The following DCUN1D2 variants were observed in gnomAD, a reference collection of about 807,000 sequenced individuals.
DCUN1D2 encodes the protein DCN1-like protein 2.
A neutral mutation model predicts 30.9 loss-of-function variants in DCUN1D2; 29 were observed. That is an observed-to-expected ratio of 0.94 (90% CI 0.70 to 1.28). DCUN1D2 has a LOEUF of 1.28. Ranked by LOEUF, DCUN1D2 falls within the 50% of genes most tolerant of loss-of-function variation. The pLI is 0.00. For missense variants in DCUN1D2, 325 were observed against 316.9 expected (o/e 1.03, Z -0.19); for synonymous variants, 121 against 115.3 (o/e 1.05, Z -0.32).
chr13:113,463,983 T>C (rs982608005), intron 4 of DCUN1D2, among the ~76,000 whole-genome samples: 1 of 152,216 alleles, frequency 6.6e-6, no homozygotes, highest in African/African-American at 2.4e-5. Flanking sequence ...TCTTTGGAAA[T>C]GGTAAACTGA....
Position 113,490,691 on chromosome 13 carries a change from T to C in DCUN1D2, c.-22A>G, listed in dbSNP as rs1165038702. On this transcript the variant is annotated 5_prime_UTR_variant, in exon 1 of 7. Coordinates refer to ENST00000478244, the MANE Select transcript of DCUN1D2 (RefSeq NM_001014283.2). This position sits in a 1 kb window ranked among gnomAD's most constrained non-coding sequence, Gnocchi z 5.2. ...CCATCTCCCCCGCGCCGCCCGCTTCTGGCCGGCCCCGGCCTTCTGCGCAGG... is the reference window on the plus strand; with the variant it reads ...CCATCTCCCCCGCGCCGCCCGCTTCCGGCCGGCCCCGGCCTTCTGCGCAGG... 8 of 1,231,456 alleles carry C rather than the reference T, an allele frequency of 6.5e-6. No individual in the cohort carries two copies. Among genetic ancestry groups the C allele is most frequent in the South Asian group, 2.8e-5 (1 of 35,180 alleles). 76.3% of individuals were successfully genotyped at this position (1,231,456 alleles called of 1,614,324 possible).
intron 4 of DCUN1D2, among the ~76,000 whole-genome samples, chr13:113,461,433 T>C (rs1252405409): frequency 6.6e-6 from 1 of 152,266 alleles, no homozygotes; most frequent in Non-Finnish European, 1.5e-5. Flanking sequence ...TTGGGTGTTC[T>C]TTAAACCTGA....
chr13:113,465,686 T>A (rs1354281466), intron 4 of DCUN1D2, among the ~76,000 whole-genome samples: 5 of 135,512 alleles, frequency 3.7e-5, no homozygotes, highest in East Asian at 2.4e-4. Flanking sequence ...TTTTTTTTTT[T>A]AATACGGTCT....
intron 4 of DCUN1D2, among the ~76,000 whole-genome samples, chr13:113,473,668 C>T (rs1426572518): frequency 6.6e-6 from 1 of 152,160 alleles, no homozygotes; most frequent in East Asian, 1.9e-4. Context: ...TACCTACATA[C>T]AGAGCAAAGT....
intron 1 of DCUN1D2, among the ~76,000 whole-genome samples, chr13:113,487,707 T>A (rs183503345): frequency 3.3e-5 from 5 of 151,954 alleles, no homozygotes; most frequent in Non-Finnish European, 7.4e-5. Context: ...AAGGGAGGAG[T>A]TGGGAGTGAC....
rs2044856052 is a variant in DCUN1D2 at position 113,488,994 on chromosome 13, AC to A, written c.3+1672del. On this transcript the variant is annotated intron_variant, in intron 1 of 6. Transcript: ENST00000478244. The surrounding 1 kb of genome is among the most constrained non-coding windows in gnomAD (Gnocchi z 4.3). ...AAAAGTCTCAAACACTTTAATTGTG[AC>A]CTTGTGAAATACGACTCATATAATC... is the stretch of plus-strand genomic sequence containing the variant. 1 of 384,560 alleles carries A rather than the reference AC, an allele frequency of 2.6e-6. No individual in the cohort carries two copies. The highest frequency in any genetic ancestry group is 6.4e-5 in the Admixed American group (1 of 15,522). 23.8% of individuals were successfully genotyped at this position (384,560 alleles called of 1,614,324 possible).
chr13:113,469,144 G>GCACACACACACACACA (rs151101835), intron 4 of DCUN1D2, among the ~76,000 whole-genome samples: 2 of 148,066 alleles, frequency 1.4e-5, no homozygotes, highest in African/African-American at 5.0e-5. Flanking sequence ...CTACACGCCT[G>GCACACACACACACACA]CACACACACA....
At chr13:113,491,209 C>T (rs1158616797), upstream of DCUN1D2, 2 of 152,338 alleles carry the variant, frequency 1.3e-5, no homozygotes, top group African/African-American at 2.4e-5. Flanking sequence ...CGCCTCAGAG[C>T]CCGGCCCAGG....
At chr13:113,461,321 T>C (rs1438417201) in intron 4 of DCUN1D2, among the ~76,000 whole-genome samples, 185 bp from the exon 5 acceptor site, 1 of 152,214 alleles carries the variant, frequency 6.6e-6, no homozygotes, top group African/African-American at 2.4e-5. Flanking sequence ...TTTATAAATC[T>C]GGGGAAACTC....
At chr13:113,471,566 C>T (rs764551967) in intron 4 of DCUN1D2, among the ~76,000 whole-genome samples, 1 of 152,198 alleles carries the variant, frequency 6.6e-6, no homozygotes, top group Non-Finnish European at 1.5e-5. Flanking sequence ...AGAACACTGA[C>T]CATGGACGAC....
intron 6 of DCUN1D2, among the ~76,000 whole-genome samples, chr13:113,459,081 C>T (rs765532268): frequency 6.6e-6 from 1 of 152,210 alleles, no homozygotes; most frequent in Admixed American, 6.5e-5. Flanking sequence ...GGGTCTCTAA[C>T]TCTTCACATC....
intron 6 of DCUN1D2, among the ~76,000 whole-genome samples, chr13:113,458,658 G>A (rs950859938): frequency 3.3e-5 from 5 of 152,194 alleles, no homozygotes; most frequent in Admixed American, 6.5e-5. Flanking sequence ...ATCTAGGGAC[G>A]GTGCAAAGTG....
Position 113,457,640 on chromosome 13 carries a change from G to C in DCUN1D2, c.*389C>G, listed in dbSNP as rs972040080. 6.2e-6 allele frequency: 1 copy of C among 160,082 alleles called. No individual in the cohort carries two copies. Among genetic ancestry groups the C allele is most frequent in the African/African-American group, 2.4e-5 (1 of 41,882 alleles). The allele number at this position is 160,082 out of a possible 1,614,324, so 9.9% of individuals were successfully genotyped here. A position where few individuals can be genotyped will look rare whatever the true frequency, so the allele number is the denominator to read the frequency against. ...GCAGAGGACACATGCCGTGTTGCCA[G>C]TGCCACCGCAACGTCATTCGGCGGG... On this transcript the variant is annotated 3_prime_UTR_variant, in exon 7 of 7. Coordinates refer to ENST00000478244, the MANE Select transcript of DCUN1D2 (RefSeq NM_001014283.2).
chr13:113,474,102 C>G (rs111588289), intron 4 of DCUN1D2, 22 bp downstream of exon 4: 49 of 1,602,238 alleles, frequency 3.1e-5, no homozygotes, highest in Non-Finnish European at 4.0e-5. Context: ...TGGCATTTTA[C>G]GTATTTGGAT....
intron 1 of DCUN1D2, among the ~76,000 whole-genome samples, chr13:113,484,482 G>T (rs572283758): frequency 6.6e-6 from 1 of 152,270 alleles, no homozygotes; most frequent in South Asian, 2.1e-4. Flanking sequence ...AGGCTGTGCG[G>T]TTTGGAGATT....
At chr13:113,487,380 G>A (rs2044824433) in intron 1 of DCUN1D2, among the ~76,000 whole-genome samples, 2 of 152,122 alleles carry the variant, frequency 1.3e-5, no homozygotes, top group Non-Finnish European at 2.9e-5. Flanking sequence ...AACATAATTC[G>A]GCCATAAAAA....
intron 3 of DCUN1D2, chr13:113,475,526 T>A (rs1188101301): frequency 6.6e-6 from 1 of 152,264 alleles, no homozygotes; most frequent in East Asian, 1.9e-4. Context: ...TCAGAACGTG[T>A]CCCTGTCTCT....
At chr13:113,472,826 C>T (rs2258798) in intron 4 of DCUN1D2, among the ~76,000 whole-genome samples, 40,354 of 152,130 alleles carry the variant, frequency 0.27, 6,396 homozygotes, top group African/African-American at 0.44. Context: ...AGAGGCAAAG[C>T]GAGGGCCCAA....
chr13:113,482,901 C>A (rs1269061447), intron 2 of DCUN1D2, among the ~76,000 whole-genome samples: 1 of 152,044 alleles, frequency 6.6e-6, no homozygotes, highest in Non-Finnish European at 1.5e-5. Context: ...CGAGATCATA[C>A]CACTGCACTC....
Sources: gnomAD v4.1 joint callset for allele counts (sites outside exome capture counted in the v4.1 genomes callset) on GRCh38, gnomAD v4.1.1 for gene constraint, Gnocchi (gnomAD v3.1) non-coding constraint, MANE v1.5 for transcripts, NCBI Gene and HGNC (gene_info 2026-07-23, HGNC 2026-07-21) for gene names.